GNG7: variants seen among roughly 807,000 people sequenced by gnomAD.
GNG7 encodes G protein subunit gamma 7.
In GNG7, 1 loss-of-function variant was observed where a neutral mutation model predicts 4.0. That is an observed-to-expected ratio of 0.25 (90% CI 0.09 to 1.18). GNG7 has a LOEUF of 1.18. GNG7 is among the 50% of genes most tolerant of loss of function. The pLI, the probability that GNG7 is intolerant of heterozygous loss-of-function variation, is 0.50. For synonymous variants in GNG7, 34 were observed against 36.9 expected, an observed-to-expected ratio of 0.92 and a Z score of 0.29; for missense variants, 86 against 91.9, an observed-to-expected ratio of 0.94 and a Z score of 0.26.
At chr19:2,687,846 G>A (rs768744399) in intron 1 of GNG7, among the ~76,000 whole-genome samples, 17 of 151,918 alleles carry the variant, frequency 1.1e-4, no homozygotes, top group East Asian at 7.7e-4. Context: ...AAGGTGGCAC[G>A]CACCTGTAAT....
At chr19:2,660,981 G>A (rs1477796214) in intron 1 of GNG7, among the ~76,000 whole-genome samples, 1 of 151,974 alleles carries the variant, frequency 6.6e-6, no homozygotes, top group Non-Finnish European at 1.5e-5. Context: ...GGAGGCCGAG[G>A]CGGGCAGATC....
intron 2 of GNG7, among the ~76,000 whole-genome samples, chr19:2,600,963 AAGG>A (rs1400375197): frequency 6.6e-6 from 1 of 152,090 alleles, no homozygotes; most frequent in Non-Finnish European, 1.5e-5. Context: ...AGTACGGCTG[AAGG>A]AGAATAAAAA....
intron 2 of GNG7, among the ~76,000 whole-genome samples, chr19:2,573,146 C>G (rs1980201685): frequency 6.6e-6 from 1 of 151,620 alleles, no homozygotes; most frequent in Non-Finnish European, 1.5e-5. Context: ...CTGCCTCAGC[C>G]TCCTGAGTAG....
intron 2 of GNG7, among the ~76,000 whole-genome samples, chr19:2,566,474 C>T (rs915967208): frequency 3.9e-5 from 6 of 152,144 alleles, no homozygotes; most frequent in East Asian, 3.9e-4. Context: ...GGACCTTGTA[C>T]GAGCACCCCA....
intron 2 of GNG7, chr19:2,643,675 G>T (rs1348682521): frequency 4.4e-6 from 2 of 456,088 alleles, no homozygotes; most frequent in East Asian, 1.4e-4. Context: ...CCTTTTTCGG[G>T]CTGAGCTTTT....
intron 2 of GNG7, among the ~76,000 whole-genome samples, chr19:2,601,734 C>T (rs983481818): frequency 3.3e-5 from 5 of 150,292 alleles, no homozygotes; most frequent in South Asian, 2.1e-4. Context: ...AGCAACATGG[C>T]GAGACCCTGT....
Position 2,582,805 on chromosome 19 carries a change from A to G in GNG7, c.-77-27617T>C, listed in dbSNP as rs149279777. Among the ~76,000 whole-genome samples, 165 of 152,046 alleles carry G rather than the reference A, an allele frequency of 1.1e-3. 1 individual carries two copies. The highest frequency in any genetic ancestry group is 6.8e-3 in the Middle Eastern group (2 of 294). The stretch of plus-strand genomic sequence containing the variant: ...TGCCTCAGCTTCCCGAGTAGCTAGG[A>G]CTGCAGGTGCAAGCCACCATGCCCA... On this transcript the variant is annotated intron_variant, in intron 2 of 4. Transcript: ENST00000382159.
chr19:2,697,414 GAGTGA>G (rs1296687883), intron 1 of GNG7, among the ~76,000 whole-genome samples: 1 of 152,082 alleles, frequency 6.6e-6, no homozygotes, highest in East Asian at 1.9e-4. Flanking sequence ...AGGAGGACAG[GAGTGA>G]CCCCTCGGGG....
At chr19:2,639,620 A>G in intron 2 of GNG7, among the ~76,000 whole-genome samples, 1 of 9,516 alleles carries the variant, frequency 1.1e-4, no homozygotes, top group Admixed American at 6.9e-4. Context: ...CAGCACATCC[A>G]CTCGCAGGAA....
At chr19:2,561,034 G>C (rs1488494165) in intron 2 of GNG7, among the ~76,000 whole-genome samples, 2 of 151,830 alleles carry the variant, frequency 1.3e-5, no homozygotes, top group African/African-American at 4.8e-5. Flanking sequence ...ATAAGCTCCC[G>C]ATGGGGCAGA....
intron 2 of GNG7, among the ~76,000 whole-genome samples, chr19:2,579,614 C>T (rs541135220): frequency 4.2e-4 from 64 of 152,340 alleles, no homozygotes; most frequent in African/African-American, 1.5e-3. Flanking sequence ...GGCAGCAGCT[C>T]CGCCTGCTGG....
rs530343263 is a variant in GNG7 at position 2,551,240 on chromosome 19, G to A, written c.-38+3909C>T. On this transcript the variant is annotated intron_variant, in intron 3 of 4. Coordinates refer to ENST00000382159, the MANE Select transcript of GNG7 (RefSeq NM_052847.3). Reference sequence around the variant, plus strand: ...TCCAGCAAAGGAGGTCTGGTCTCCCGGTCAGAAAACAGGAGAGAGGGCAGG... The same window carrying A: ...TCCAGCAAAGGAGGTCTGGTCTCCCAGTCAGAAAACAGGAGAGAGGGCAGG... Among the ~76,000 whole-genome samples the A allele has an allele frequency of 9.8e-5, 15 of 152,288 alleles. No individual in the cohort carries two copies. The East Asian group carries it at 1.5e-3, about 16-fold the overall frequency.
chr19:2,584,460 G>T (rs1013197385), intron 2 of GNG7, among the ~76,000 whole-genome samples: 2 of 150,658 alleles, frequency 1.3e-5, no homozygotes, highest in Admixed American at 6.6e-5. Flanking sequence ...AAAAAAATTA[G>T]CCAGGCATGG....
At chr19:2,649,839 A>G (rs558995533) in intron 1 of GNG7, among the ~76,000 whole-genome samples, 3 of 152,068 alleles carry the variant, frequency 2.0e-5, no homozygotes, top group Non-Finnish European at 4.4e-5. Context: ...TCATCACCCT[A>G]CAAAGAAGCC....
At chr19:2,559,376 G>C (rs1979666829) in intron 2 of GNG7, among the ~76,000 whole-genome samples, 1 of 147,574 alleles carries the variant, frequency 6.8e-6, no homozygotes, top group Non-Finnish European at 1.5e-5. Context: ...TTTGGAGACA[G>C]GGTCTCGCTC....
intron 2 of GNG7, among the ~76,000 whole-genome samples, chr19:2,568,264 TAG>T (rs910198869): frequency 4.3e-5 from 6 of 140,438 alleles, no homozygotes; most frequent in Admixed American, 7.2e-5. Flanking sequence ...TACACACATA[TAG>T]AGACACATAT....
chr19:2,565,520 A>AC (rs916997702), intron 2 of GNG7, among the ~76,000 whole-genome samples: 23 of 144,764 alleles, frequency 1.6e-4, no homozygotes, highest in African/African-American at 4.9e-4. Flanking sequence ...TCAAAAAAAA[A>AC]AAAACAAAAA....
rs372737565 is a variant in GNG7 at position 2,514,982 on chromosome 19, G to A, written c.*40C>T. 1.8e-5 allele frequency: 27 copies of A among 1,476,386 alleles called. 1 individual carries two copies. In the African/African-American group the frequency reaches 2.9e-4, roughly 16 times the overall value. The allele number at this position is 1,476,386 out of a possible 1,614,324, so 91.5% of individuals were successfully genotyped here. ...AGAGACAGAGACAGAGAGAGAGAGA[G>A]AGAAAGAGAGAGAGAGAGAGAGAAC... On this transcript the variant is annotated 3_prime_UTR_variant, in exon 5 of 5. Transcript: ENST00000382159.
chr19:2,590,778 C>A lies in GNG7; in HGVS notation c.-77-35590G>T, dbSNP rs118127137. 6.0e-5 allele frequency among the ~76,000 whole-genome samples: 9 copies of A among 151,082 alleles called. No homozygotes were observed. The East Asian group carries it at 1.8e-3, about 30-fold the overall frequency. ...CCACCTAACCAACCAACCAACCATC[C>A]ATCCATCCACCCAACCAACCATCCA... On this transcript the variant is annotated intron_variant, in intron 2 of 4. Coordinates refer to ENST00000382159, the MANE Select transcript of GNG7 (RefSeq NM_052847.3).
Sources: gnomAD v4.1 joint callset for allele counts (sites outside exome capture counted in the v4.1 genomes callset) on GRCh38, gnomAD v4.1.1 for gene constraint, MANE v1.5 for transcripts, NCBI Gene and HGNC (gene_info 2026-07-23, HGNC 2026-07-21) for gene names.